PCDHGA9: variants seen among roughly 807,000 people sequenced by gnomAD.
The protein encoded by PCDHGA9 is protocadherin gamma subfamily A, 9, also known as protocadherin gamma-A9.
PCDHGA9 carries 37 observed loss-of-function variants against 62.5 expected under a neutral mutation model. The observed-to-expected ratio is 0.59, with a 90% CI of 0.46 to 0.78. The LOEUF (loss-of-function observed/expected upper bound fraction) is 0.78, where lower values mean the gene tolerates loss of function less well. PCDHGA9 is among the 30% of genes least tolerant of loss of function. PCDHGA9 has a pLI of 0.00. For missense variants in PCDHGA9, 1,138 were observed against 1,166.2 expected, an observed-to-expected ratio of 0.98 and a Z score of 0.35; for synonymous variants, 459 against 484.6, an observed-to-expected ratio of 0.95 and a Z score of 0.69.
chr5:141,422,873 T>C (rs1474438774), intron 1 of PCDHGA9: 1 of 1,614,158 alleles, frequency 6.2e-7, no homozygotes, highest in Admixed American at 1.7e-5. Flanking sequence ...AACGTGTCGC[T>C]GAGCCTGTTC....
At chr5:141,484,639 C>A (rs1366750263) in intron 1 of PCDHGA9, among the ~76,000 whole-genome samples, 1 of 151,938 alleles carries the variant, frequency 6.6e-6, no homozygotes, top group Non-Finnish European at 1.5e-5. Context: ...AGTGACCACT[C>A]TCCAATGGCT....
At chr5:141,412,286 G>A (rs150947924) in intron 1 of PCDHGA9, 104 of 152,170 alleles carry the variant, frequency 6.8e-4, no homozygotes, top group African/African-American at 2.3e-3. Flanking sequence ...CAAATTCTAC[G>A]TATTTCTTTT....
At chr5:141,457,537 T>A (rs967428207) in intron 1 of PCDHGA9, among the ~76,000 whole-genome samples, 2 of 152,228 alleles carry the variant, frequency 1.3e-5, no homozygotes, top group Admixed American at 6.5e-5. Flanking sequence ...TAGGGTTTAA[T>A]GACAAATGTA....
chr5:141,478,424 G>A, intron 1 of PCDHGA9: 2 of 1,613,686 alleles, frequency 1.2e-6, no homozygotes, highest in African/African-American at 1.3e-5. Context: ...CCGCCGCAGC[G>A]ACCCGCTGCT....
At chr5:141,419,863 G>C in intron 1 of PCDHGA9, 1 of 1,614,108 alleles carries the variant, frequency 6.2e-7, no homozygotes, top group Non-Finnish European at 8.5e-7. Flanking sequence ...CAGATAGCTT[G>C]CAAGAGGTAC....
intron 2 of PCDHGA9, among the ~76,000 whole-genome samples, chr5:141,497,264 A>G (rs2154592078): frequency 6.6e-6 from 1 of 152,258 alleles, no homozygotes; most frequent in East Asian, 1.9e-4. Flanking sequence ...GAGAAGTTCT[A>G]GGCCATTTAT....
At chr5:141,453,852 T>A (rs905734700) in intron 1 of PCDHGA9, among the ~76,000 whole-genome samples, 5 of 152,164 alleles carry the variant, frequency 3.3e-5, no homozygotes, top group African/African-American at 1.2e-4. Context: ...ACAGAGCACT[T>A]TGAAAATAAC....
At chr5:141,415,438 C>A in intron 1 of PCDHGA9, 1 of 1,614,218 alleles carries the variant, frequency 6.2e-7, no homozygotes, top group South Asian at 1.1e-5. Flanking sequence ...GGCTTTCCTG[C>A]AGACCTATTC....
Position 141,491,665 on chromosome 5 carries a change from C to T in PCDHGA9, c.2425-3142C>T, listed in dbSNP as rs749918160. 6.2e-7 allele frequency: 1 copy of T among 1,613,764 alleles called. No homozygotes were observed. The highest frequency in any genetic ancestry group is 8.5e-7 in the Non-Finnish European group (1 of 1,180,000). On this transcript the variant is annotated intron_variant, in intron 1 of 3. Transcript: ENST00000573521. The surrounding 1 kb of genome is among the most constrained non-coding windows in gnomAD (Gnocchi z 6.9). ...TCTGGCGCTGGAGCCTGACGCCATCCGGTCCCGCTCTAATACGCTGCGGGA... is the reference window on the plus strand; with the variant it reads ...TCTGGCGCTGGAGCCTGACGCCATCTGGTCCCGCTCTAATACGCTGCGGGA...
chr5:141,432,286 C>T lies in PCDHGA9; in HGVS notation c.2424+26910C>T. ...TATCGTCCTACGTGTCCATCAACTCCGACACTGGGGTACTGTATGCGCTGA... is the reference window on the plus strand; with the variant it reads ...TATCGTCCTACGTGTCCATCAACTCTGACACTGGGGTACTGTATGCGCTGA... On this transcript the variant is annotated intron_variant, in intron 1 of 3. Transcript: ENST00000573521. This position sits in a 1 kb window ranked among gnomAD's most constrained non-coding sequence, Gnocchi z 6.0. 3 of 1,614,252 alleles carry T rather than the reference C, an allele frequency of 1.9e-6. No homozygotes were observed. Among genetic ancestry groups the T allele is most frequent in the Non-Finnish European group, 2.5e-6 (3 of 1,180,048 alleles).
intron 1 of PCDHGA9, chr5:141,430,781 C>A: frequency 6.6e-7 from 1 of 1,510,922 alleles, no homozygotes; most frequent in Non-Finnish European, 8.8e-7. Context: ...GCGACTGCAC[C>A]GGGACTACAA....
chr5:141,458,612 C>T (rs1381385841), intron 1 of PCDHGA9, among the ~76,000 whole-genome samples: 1 of 152,084 alleles, frequency 6.6e-6, no homozygotes, highest in Non-Finnish European at 1.5e-5. Flanking sequence ...CTCTGTCAGC[C>T]AGGCTGGAGT....
intron 3 of PCDHGA9, 72 bp from the exon 4 acceptor site, chr5:141,510,875 C>T: frequency 6.2e-7 from 1 of 1,610,120 alleles, no homozygotes; most frequent in Admixed American, 1.7e-5. Context: ...TCATTAACTG[C>T]TGGGGATATA....
chr5:141,412,664 A>G (rs959517920), intron 1 of PCDHGA9: 10 of 152,288 alleles, frequency 6.6e-5, no homozygotes, highest in African/African-American at 2.4e-4. Flanking sequence ...AGACACTAAT[A>G]TGACCTAAAA....
intron 2 of PCDHGA9, among the ~76,000 whole-genome samples, chr5:141,500,893 A>G (rs1393294152): frequency 1.1e-5 from 1 of 94,848 alleles, no homozygotes; most frequent in Non-Finnish European, 2.0e-5. Context: ...TTTTTTTGAG[A>G]CAGTCTCGCT....
intron 1 of PCDHGA9, among the ~76,000 whole-genome samples, chr5:141,483,021 G>A (rs543104114): frequency 6.6e-6 from 1 of 152,126 alleles, no homozygotes; most frequent in East Asian, 1.9e-4. Context: ...GGAGGCAGAG[G>A]TTGCAATGAG....
Position 141,403,914 on chromosome 5 carries a change from C to A in PCDHGA9, c.962C>A (p.Ala321Asp), listed in dbSNP as rs748975395. The A allele has an allele frequency of 1.3e-5, 21 of 1,613,662 alleles. No homozygotes were observed. Among genetic ancestry groups the A allele is most frequent in the South Asian group, 2.2e-5 (2 of 91,064 alleles). The change falls in exon 1 of 4, where the codon GCT (alanine) becomes GAT (aspartate). Residue 321 changes from alanine to aspartate, a missense_variant. By Grantham distance (126) the Ala-to-Asp change is moderately radical. Coordinates refer to ENST00000573521, the MANE Select transcript of PCDHGA9 (RefSeq NM_018921.3). ...ECSFYEMEIQ[A>D]EDGGGLKGWT... ...TCATTTTATGAAATGGAAATACAAG[C>A]TGAAGATGGTGGGGGATTGAAAGGG...
Position 141,491,045 on chromosome 5 carries a change from A to G in PCDHGA9, c.2425-3762A>G, listed in dbSNP as rs1452139285. 2 of 1,613,970 alleles carry G rather than the reference A, an allele frequency of 1.2e-6. No individual in the cohort carries two copies. The highest frequency in any genetic ancestry group is 1.1e-5 in the South Asian group (1 of 91,090). On this transcript the variant is annotated intron_variant, in intron 1 of 3. Coordinates refer to ENST00000573521, the MANE Select transcript of PCDHGA9 (RefSeq NM_018921.3). This position sits in a 1 kb window ranked among gnomAD's most constrained non-coding sequence, Gnocchi z 6.9. ...GCCGTGGATGCTGATGCAGGCCACA[A>G]TGCGTGGCTCTCCTACTCACTGTTG...
intron 1 of PCDHGA9, chr5:141,421,835 G>T: frequency 6.2e-7 from 1 of 1,613,746 alleles, no homozygotes. Flanking sequence ...AGCCTGGACC[G>T]AGAGAAAGAG....
Sources: gnomAD v4.1 joint callset for allele counts (sites outside exome capture counted in the v4.1 genomes callset) on GRCh38, gnomAD v4.1.1 for gene constraint, Gnocchi (gnomAD v3.1) non-coding constraint, MANE v1.5 for transcripts, NCBI Gene and HGNC (gene_info 2026-07-23, HGNC 2026-07-21) for gene names.